The following SIM1 variants were observed in gnomAD, a reference collection of about 807,000 sequenced individuals.
SIM1 encodes single-minded homolog 1.
Under a neutral mutation model 78.2 loss-of-function variants are expected in SIM1, and 18 were observed. The ratio of observed to expected loss-of-function variants is 0.23; its 90% CI spans 0.16 to 0.34. SIM1 has a LOEUF of 0.34. Among genes scored for constraint, SIM1 ranks in the 10% least tolerant of loss-of-function variants. The pLI is 1.00. For synonymous variants in SIM1, 417 were observed against 385.2 expected, an observed-to-expected ratio of 1.08 and a Z score of -0.97; for missense variants, 939 against 975.1, an observed-to-expected ratio of 0.96 and a Z score of 0.49.
intron 9 of SIM1, among the ~76,000 whole-genome samples, chr6:100,436,099 A>T (rs2114524396): frequency 1.3e-5 from 2 of 151,928 alleles, no homozygotes; most frequent in Middle Eastern, 6.8e-3. Context: ...GTCTAACCAC[A>T]CCTGTGAGCT....
Position 100,449,622 on chromosome 6 carries a change from G to C in SIM1, c.426C>G (p.Ala142=). The change falls in exon 5 of 12, where the codon GCC becomes GCG. Residue 142 remains alanine, a synonymous_variant. Transcript: ENST00000369208. ...DHDEMTAVLT[A]HQPYHSHFVQ... ...CGAAGTGAGAGTGGTAGGGTTGATG[G>C]GCGGTGAGCACCGCCGTCATCTCGT... The C allele has an allele frequency of 6.2e-7, 1 of 1,614,140 alleles. No individual in the cohort carries two copies. Among genetic ancestry groups the C allele is most frequent in the Non-Finnish European group, 8.5e-7 (1 of 1,179,994 alleles).
intron 10 of SIM1, among the ~76,000 whole-genome samples, chr6:100,410,055 AAG>A (rs1473097682): frequency 3.3e-5 from 5 of 152,208 alleles, no homozygotes; most frequent in African/African-American, 7.2e-5. Context: ...ATAATACGCC[AAG>A]AGAGTTTCCT....
chr6:100,444,915 G>C (rs963799085), intron 9 of SIM1, among the ~76,000 whole-genome samples: 7 of 152,038 alleles, frequency 4.6e-5, no homozygotes, highest in Non-Finnish European at 1.0e-4. Flanking sequence ...CTATTGAAAC[G>C]TTTAAATTTG....
chr6:100,412,611 GGAAA>G (rs1409055239), intron 10 of SIM1, among the ~76,000 whole-genome samples: 2 of 67,636 alleles, frequency 3.0e-5, no homozygotes, highest in Admixed American at 1.7e-4. Flanking sequence ...AAGAAAGAAA[GGAAA>G]GAAAGAAGGA....
intron 2 of SIM1, among the ~76,000 whole-genome samples, chr6:100,461,010 T>C (rs569225909): frequency 4.7e-4 from 71 of 151,136 alleles, no homozygotes; most frequent in African/African-American, 1.6e-3. Flanking sequence ...AGTTCACACA[T>C]CGTCCATCCC....
chr6:100,418,335 C>A (rs1771461853), intron 10 of SIM1, among the ~76,000 whole-genome samples: 1 of 145,608 alleles, frequency 6.9e-6, no homozygotes, highest in Admixed American at 6.9e-5. Flanking sequence ...CCAGCCTGGG[C>A]AGCAGACTGA....
intron 2 of SIM1, among the ~76,000 whole-genome samples, chr6:100,457,388 G>A (rs1772693354): frequency 6.6e-6 from 1 of 152,208 alleles, no homozygotes; most frequent in African/African-American, 2.4e-5. Context: ...TGACTGAGGA[G>A]GGGAAAGCCC....
rs370528426 is a variant in SIM1 at position 100,457,570 on chromosome 6, G to C, written c.176-3726C>G. Among the ~76,000 whole-genome samples, 201 of 152,328 alleles carry C rather than the reference G, an allele frequency of 1.3e-3. 1 individual carries two copies. The highest frequency in any genetic ancestry group is 4.6e-3 in the African/African-American group (193 of 41,572). ...AATGTGTACTGTGCAAGTCTTCCCC[G>C]GGCTGAGGCGTCGAGTGGCCTTCGT... On this transcript the variant is annotated intron_variant, in intron 2 of 11. Transcript: ENST00000369208.
intron 10 of SIM1, among the ~76,000 whole-genome samples, chr6:100,417,702 C>T (rs1279911421): frequency 6.6e-6 from 1 of 152,134 alleles, no homozygotes; most frequent in African/African-American, 2.4e-5. Context: ...AGAGGAAACT[C>T]TCAGCCTATG....
rs192240009 is a variant in SIM1, at chr6:100,392,244, A to T, written c.1571-1153T>A. Among the ~76,000 whole-genome samples, 445 of 152,296 alleles carry T rather than the reference A, an allele frequency of 2.9e-3. 3 individuals carry two copies. Among genetic ancestry groups the T allele is most frequent in the African/African-American group, 9.0e-3 (374 of 41,522 alleles). Reference sequence around the variant, plus strand: ...TGTTTGGAGCCAAGGAAAGAGATAAAATATGGAGGAGTAGTGCATCCAAAG... The same window carrying T: ...TGTTTGGAGCCAAGGAAAGAGATAATATATGGAGGAGTAGTGCATCCAAAG... On this transcript the variant is annotated intron_variant, in intron 11 of 11. Transcript: ENST00000369208.
chr6:100,449,973 G>A (rs991579389), intron 4 of SIM1, among the ~76,000 whole-genome samples: 6 of 152,148 alleles, frequency 3.9e-5, no homozygotes, highest in African/African-American at 1.4e-4. Flanking sequence ...GCAGTTCCCT[G>A]GCAAAGTTCT....
intron 9 of SIM1, among the ~76,000 whole-genome samples, chr6:100,433,050 GACCCCTC>G (rs1771942014): frequency 6.6e-6 from 1 of 151,900 alleles, no homozygotes. Flanking sequence ...TGCCAAATCT[GACCCCTC>G]ACCACTACCC....
chr6:100,408,892 T>C (rs777445143), intron 10 of SIM1, among the ~76,000 whole-genome samples: 5 of 152,120 alleles, frequency 3.3e-5, no homozygotes, highest in Non-Finnish European at 7.4e-5. Context: ...GTGTCCTTTT[T>C]GGCTTCAGTA....
intron 10 of SIM1, among the ~76,000 whole-genome samples, chr6:100,419,883 C>A (rs1298751926): frequency 6.6e-6 from 1 of 152,130 alleles, no homozygotes; most frequent in Non-Finnish European, 1.5e-5. Flanking sequence ...CTCAAGTGAT[C>A]CCCCACCTCG....
rs117334156 is a variant in SIM1, at chr6:100,428,744, A to C, written c.999-7786T>G. Among the ~76,000 whole-genome samples, 461 of 152,132 alleles carry C rather than the reference A, an allele frequency of 3.0e-3. 8 individuals are homozygous for C. The highest frequency in any genetic ancestry group is 2.6e-3 in the Non-Finnish European group (178 of 68,012). ...GGATAGTGCCAAACCCTATGCCTAC[A>C]TTATAGGAAATGTATGTATAGGAAA... is the stretch of plus-strand genomic sequence containing the variant. On this transcript the variant is annotated intron_variant, in intron 9 of 11. Coordinates refer to ENST00000369208, the MANE Select transcript of SIM1 (RefSeq NM_005068.3).
intron 9 of SIM1, among the ~76,000 whole-genome samples, chr6:100,428,006 T>C (rs1188173959): frequency 6.6e-6 from 1 of 152,184 alleles, no homozygotes; most frequent in Non-Finnish European, 1.5e-5. Flanking sequence ...GAATAAAAGT[T>C]CAAATACTGG....
chr6:100,415,031 G>C (rs144125327), intron 10 of SIM1, among the ~76,000 whole-genome samples: 14 of 152,332 alleles, frequency 9.2e-5, no homozygotes, highest in Non-Finnish European at 2.1e-4. Flanking sequence ...TGTAGGCACT[G>C]TTACTACTGA....
In SIM1 at chr6:100,387,388, T is replaced by C. The variant is rs972160019; in HGVS notation, c.*2973A>G. 6.6e-6 allele frequency: 1 copy of C among 152,116 alleles called. No individual in the cohort carries two copies. The highest frequency in any genetic ancestry group is 1.5e-5 in the Non-Finnish European group (1 of 67,970). The allele number at this position is 152,116 out of a possible 1,614,324, so 9.4% of individuals were successfully genotyped here. On this transcript the variant is annotated 3_prime_UTR_variant, in exon 12 of 12. Coordinates refer to ENST00000369208, the MANE Select transcript of SIM1 (RefSeq NM_005068.3). ...AAAGACACAGATGACATCTTCATTA[T>C]GAGGAAATATGTTGCTGCACAGAAC...
Position 100,449,433 on chromosome 6 carries a change from C to A in SIM1, c.473G>T (p.Arg158Leu), listed in dbSNP as rs767580244. The A allele has an allele frequency of 1.2e-6, 2 of 1,613,912 alleles. No individual in the cohort carries two copies. The highest frequency in any genetic ancestry group is 1.7e-6 in the Non-Finnish European group (2 of 1,179,832). ...GCACTTCATCCTCAGGAAGAAGGAG[C>A]GCTCGATCTCATACTCTGGGAGAGA... Reference protein sequence around the residue: ...SHFVQEYEIERSFFLRMKCVL... With the variant: ...SHFVQEYEIELSFFLRMKCVL... Residue 158 changes from arginine to leucine, a missense_variant, in exon 6 of 12, where the codon CGC becomes CTC. Coordinates refer to ENST00000369208, the MANE Select transcript of SIM1 (RefSeq NM_005068.3).
Sources: allele counts gnomAD v4.1 joint callset (sites outside exome capture counted in the v4.1 genomes callset), GRCh38; gene constraint gnomAD v4.1.1; transcripts MANE v1.5; gene names NCBI Gene and HGNC (gene_info 2026-07-23, HGNC 2026-07-21).